Variants in NFIC observed in about 807,000 individuals in gnomAD.
The protein encoded by NFIC is nuclear factor I C, also known as nuclear factor 1 C-type.
In NFIC, 12 loss-of-function variants were observed where a neutral mutation model predicts 54.4. That is an observed-to-expected ratio of 0.22 (90% CI 0.14 to 0.36). NFIC has a LOEUF of 0.36. Ranked by LOEUF, NFIC falls within the 10% of genes least tolerant of loss-of-function variation. The pLI, the probability that NFIC is intolerant of heterozygous loss-of-function variation, is 1.00. For synonymous variants in NFIC, 322 were observed against 319.2 expected, an observed-to-expected ratio of 1.01 and a Z score of -0.09; for missense variants, 575 against 718.2, an observed-to-expected ratio of 0.80 and a Z score of 2.28.
rs59920512 is a variant in NFIC at position 3,368,913 on chromosome 19, C to CTGTGTGTGTGTGTGTGTGTGTG, written c.30+2261_30+2282dup. On this transcript the variant is annotated intron_variant, in intron 1 of 10. Transcript: ENST00000443272. ...TCTTTCTCTCTGTCTTGCTCTGACT[C>CTGTGTGTGTGTGTGTGTGTGTG]TGTGTGTGTGTGTGTGTGTGTGTGT... 7.9e-4 allele frequency among the ~76,000 whole-genome samples: 116 copies of CTGTGTGTGTGTGTGTGTGTGTG among 147,060 alleles called. 2 individuals carry two copies. Among genetic ancestry groups the CTGTGTGTGTGTGTGTGTGTGTG allele is most frequent in the African/African-American group, 2.4e-3 (93 of 39,154 alleles).
At position 3,381,725 on chromosome 19, in the gene NFIC, C is replaced by A; in HGVS notation, c.44C>A (p.Pro15Gln). 6.2e-7 allele frequency: 1 copy of A among 1,613,664 alleles called. No homozygotes were observed. The highest frequency in any genetic ancestry group is 8.5e-7 in the Non-Finnish European group (1 of 1,179,904). The stretch of plus-strand genomic sequence containing the variant: ...TCCGGCCTGCAGGATGAGTTCCACC[C>A]GTTCATCGAGGCCCTGCTGCCTCAC... ...PLCLTQDEFH[P>Q]FIEALLPHVR... Residue 15 changes from proline (P) to glutamine (Q), a missense_variant, in exon 2 of 11, where the codon CCG becomes CAG. Physicochemically the swap from Pro to Gln is moderately conservative, Grantham distance 76 (BLOSUM62 -1). This residue lies in a region of NFIC where 122 missense variants were observed against 158.0 expected (regional missense o/e 0.77). Coordinates refer to ENST00000443272, the MANE Select transcript of NFIC (RefSeq NM_001245002.2).
chr19:3,462,606 C>A, intron 10 of NFIC, 146 bp from the exon 11 acceptor site: 1 of 910,796 alleles, frequency 1.1e-6, no homozygotes, highest in Non-Finnish European at 1.7e-6. Context: ...TTGTTAGAGC[C>A]TGGGATGGGG....
At chr19:3,409,859 CA>C (rs1473129631) in intron 2 of NFIC, among the ~76,000 whole-genome samples, 3 of 152,208 alleles carry the variant, frequency 2.0e-5, no homozygotes, top group African/African-American at 7.2e-5. Context: ...TGACACCTCA[CA>C]GACCTGGGAA....
Position 3,463,596 on chromosome 19 carries a change from G to C in NFIC, c.*827G>C, listed in dbSNP as rs2082673295. ...CCTCGCGCCCGCCCGTTTGGGAGGA[G>C]AAGTCTCTATGCAATTGGCCCCGGC... On this transcript the variant is annotated 3_prime_UTR_variant, in exon 11 of 11. Coordinates refer to ENST00000443272, the MANE Select transcript of NFIC (RefSeq NM_001245002.2). The C allele has an allele frequency of 1.0e-6, 1 of 984,994 alleles. No homozygotes were observed. The highest frequency in any genetic ancestry group is 1.7e-5 in the African/African-American group (1 of 57,224). 61.0% of individuals were successfully genotyped at this position (984,994 alleles called of 1,614,324 possible). A position where few individuals can be genotyped will look rare whatever the true frequency, so the allele number is the denominator to read the frequency against.
Position 3,466,223 on chromosome 19 carries a change from C to CTT in NFIC, c.*3464_*3465dup, listed in dbSNP as rs11388112. On this transcript the variant is annotated 3_prime_UTR_variant, in exon 11 of 11. Coordinates refer to ENST00000443272, the MANE Select transcript of NFIC (RefSeq NM_001245002.2). This position sits in a 1 kb window ranked among gnomAD's most constrained non-coding sequence, Gnocchi z 4.8. Reference sequence around the variant, plus strand: ...GTCCTTGATTTTATTTTCTTTTGTTCTTTTTTTTTTTCTTTTCTTTTTGTT... The same window carrying CTT: ...GTCCTTGATTTTATTTTCTTTTGTTCTTTTTTTTTTTTTCTTTTCTTTTTGTT... The CTT allele has an allele frequency of 3.1e-3, 462 of 147,750 alleles. 3 individuals carry two copies. Among genetic ancestry groups the CTT allele is most frequent in the African/African-American group, 0.01 (417 of 40,200 alleles). 9.2% of individuals were successfully genotyped at this position (147,750 alleles called of 1,614,324 possible).
chr19:3,390,621 T>C (rs538746929), intron 2 of NFIC, among the ~76,000 whole-genome samples: 2 of 152,234 alleles, frequency 1.3e-5, no homozygotes, highest in East Asian at 3.9e-4. Context: ...AGGATCCAAT[T>C]AGTGCATGAA....
At chr19:3,431,044 G>A (rs528190171) in intron 3 of NFIC, among the ~76,000 whole-genome samples, 1 of 151,802 alleles carries the variant, frequency 6.6e-6, no homozygotes, top group Non-Finnish European at 1.5e-5. Flanking sequence ...CATCCATGTT[G>A]TAGCCTGTGT....
chr19:3,449,769 A>T (rs1388749937), intron 7 of NFIC, among the ~76,000 whole-genome samples: 1 of 151,102 alleles, frequency 6.6e-6, no homozygotes, highest in South Asian at 2.1e-4. Context: ...CAAAAAAAAA[A>T]AAAAAAGCTA....
At chr19:3,363,580 TATG>T (rs1483524430), upstream of NFIC, among the ~76,000 whole-genome samples, 1 of 151,886 alleles carries the variant, frequency 6.6e-6, no homozygotes, top group Non-Finnish European at 1.5e-5. Flanking sequence ...CCAAAGGAGA[TATG>T]TGTGTGTGTG....
intron 3 of NFIC, among the ~76,000 whole-genome samples, chr19:3,426,350 A>G (rs2082027538): frequency 6.6e-6 from 1 of 152,044 alleles, no homozygotes; most frequent in African/African-American, 2.4e-5. Context: ...AAGCGCTGGG[A>G]TCATAGGTGT....
intron 6 of NFIC, among the ~76,000 whole-genome samples, chr19:3,439,305 T>C (rs1252051030): frequency 9.2e-6 from 1 of 108,212 alleles, no homozygotes; most frequent in African/African-American, 3.6e-5. Flanking sequence ...CTGCACTCCA[T>C]CCGGGGCAAC....
chr19:3,464,331 C>A lies in NFIC; in HGVS notation c.*1562C>A. ...CCCCCGCAGCCGTGTAGGGGGCCTC[C>A]CATCTGCTAAGCGTTTTTCCGTTGA... On this transcript the variant is annotated 3_prime_UTR_variant, in exon 11 of 11. Coordinates refer to ENST00000443272, the MANE Select transcript of NFIC (RefSeq NM_001245002.2). 1 of 985,192 alleles carries A rather than the reference C, an allele frequency of 1.0e-6. No individual in the cohort carries two copies. The highest frequency in any genetic ancestry group is 1.2e-6 in the Non-Finnish European group (1 of 829,832). The allele number at this position is 985,192 out of a possible 1,614,324, so 61.0% of individuals were successfully genotyped here. A position where few individuals can be genotyped will look rare whatever the true frequency, so the allele number is the denominator to read the frequency against.
In NFIC at chr19:3,459,962, C is replaced by G. The variant is rs1265518413; in HGVS notation, c.1510-2790C>G. Among the ~76,000 whole-genome samples, 1 of 152,158 alleles carries G rather than the reference C, an allele frequency of 6.6e-6. No homozygotes were observed. Among genetic ancestry groups the G allele is most frequent in the Non-Finnish European group, 1.5e-5 (1 of 68,028 alleles). On this transcript the variant is annotated intron_variant, in intron 10 of 10. Transcript: ENST00000443272. This position sits in a 1 kb window ranked among gnomAD's most constrained non-coding sequence, Gnocchi z 4.2. ...GTCTCCCCAGTTCCAGAGGCACAGC[C>G]CTCCCCTCACAGTCCACCCTGGATG... is the stretch of plus-strand genomic sequence containing the variant.
intron 2 of NFIC, among the ~76,000 whole-genome samples, chr19:3,390,883 A>G (rs1290556856): frequency 6.6e-6 from 1 of 151,542 alleles, no homozygotes; most frequent in East Asian, 1.9e-4. Flanking sequence ...TGGGGAGAGA[A>G]TGTTTCATGG....
Position 3,453,663 on chromosome 19 carries a change from C to T in NFIC, c.1270-100C>T. ...CGCGCCCTGGCCCCCCAGCCTGCCACCCCGTCCGGGCCGTGCACAGAGCCG... is the reference window on the plus strand; with the variant it reads ...CGCGCCCTGGCCCCCCAGCCTGCCATCCCGTCCGGGCCGTGCACAGAGCCG... On this transcript the variant is annotated intron_variant, in intron 8 of 10. Transcript: ENST00000443272. The surrounding 1 kb of genome is among the most constrained non-coding windows in gnomAD (Gnocchi z 6.7). The T allele has an allele frequency of 6.9e-7, 1 of 1,450,332 alleles. No homozygotes were observed. Among genetic ancestry groups the T allele is most frequent in the Non-Finnish European group, 9.1e-7 (1 of 1,102,038 alleles). The allele number at this position is 1,450,332 out of a possible 1,614,324, so 89.8% of individuals were successfully genotyped here. A position where few individuals can be genotyped will look rare whatever the true frequency, so the allele number is the denominator to read the frequency against.
At chr19:3,412,850 C>T (rs2081787003) in intron 2 of NFIC, among the ~76,000 whole-genome samples, 1 of 152,204 alleles carries the variant, frequency 6.6e-6, no homozygotes, top group African/African-American at 2.4e-5. Context: ...TGAAATTTCT[C>T]TGGCCTGGCT....
chr19:3,456,644 C>T lies in NFIC; in HGVS notation c.1509+9C>T, dbSNP rs763177472. 10 of 1,480,332 alleles carry T rather than the reference C, an allele frequency of 6.8e-6. 1 individual carries two copies. The highest frequency in any genetic ancestry group is 1.9e-4 in the Middle Eastern group (1 of 5,380). 91.7% of individuals were successfully genotyped at this position (1,480,332 alleles called of 1,614,324 possible). ...GCATTTATCAGGCACAGGTAGGGGC[C>T]GAGAGGCCGGCTGGTGGGGTGGGAG... is the stretch of plus-strand genomic sequence containing the variant. On this transcript the variant is annotated intron_variant, in intron 10 of 10. Coordinates refer to ENST00000443272, the MANE Select transcript of NFIC (RefSeq NM_001245002.2).
chr19:3,456,748 G>C, intron 10 of NFIC, 113 bp downstream of exon 10: 5 of 1,078,038 alleles, frequency 4.6e-6, no homozygotes, highest in Non-Finnish European at 6.7e-6. Context: ...CCTGGCACAG[G>C]GGCGCCAGCC....
chr19:3,380,756 C>G (rs947572783), intron 1 of NFIC, among the ~76,000 whole-genome samples: 1 of 151,720 alleles, frequency 6.6e-6, no homozygotes, highest in Non-Finnish European at 1.5e-5. Flanking sequence ...CCCAGCCTCC[C>G]AACTAGCTGG....
Sources: allele counts gnomAD v4.1 joint callset (sites outside exome capture counted in the v4.1 genomes callset), GRCh38; gene constraint gnomAD v4.1.1; regional missense constraint gnomAD v4.1.1; non-coding constraint Gnocchi (gnomAD v3.1); transcripts MANE v1.5; gene names NCBI Gene and HGNC (gene_info 2026-07-23, HGNC 2026-07-21).